Variants in ATAD3A observed in about 807,000 individuals in gnomAD.
The protein encoded by ATAD3A is ATPase family AAA domain containing 3A.
Under a neutral mutation model 73.8 loss-of-function variants are expected in ATAD3A, and 46 were observed. The observed-to-expected ratio is 0.62, with a 90% CI of 0.49 to 0.80. The LOEUF is 0.80. ATAD3A is among the 30% of genes least tolerant of loss of function. The pLI, the probability that ATAD3A is intolerant of heterozygous loss-of-function variation, is 0.00. For missense variants in ATAD3A, 705 were observed against 838.0 expected (o/e 0.84, Z 1.96); for synonymous variants, 319 against 350.0 (o/e 0.91, Z 0.99).
chr1:1,519,858 C>T (rs532114118), intron 5 of ATAD3A, among the ~76,000 whole-genome samples: 9 of 152,346 alleles, frequency 5.9e-5, no homozygotes, highest in South Asian at 2.1e-4. Flanking sequence ...CGGCCTGTGG[C>T]GCTGTCCCTA....
At chr1:1,518,532 A>G (rs1235681975) in intron 4 of ATAD3A, among the ~76,000 whole-genome samples, 1 of 85,218 alleles carries the variant, frequency 1.2e-5, no homozygotes, top group East Asian at 4.4e-4. Flanking sequence ...CACAGACCCC[A>G]CACACACATA....
chr1:1,524,601 G>A (rs1202396443), intron 11 of ATAD3A, among the ~76,000 whole-genome samples: 1 of 130,100 alleles, frequency 7.7e-6, no homozygotes, highest in African/African-American at 3.9e-5. Flanking sequence ...CCAGCGTGTG[G>A]AGGCTGCCAG....
At chr1:1,521,890 G>A (rs1377978535) in intron 7 of ATAD3A, among the ~76,000 whole-genome samples, 1 of 151,902 alleles carries the variant, frequency 6.6e-6, no homozygotes, top group African/African-American at 2.4e-5. Flanking sequence ...CACCAGGCCC[G>A]GCCAATTTTT....
chr1:1,534,289 C>G lies in ATAD3A; in HGVS notation c.*217C>G. The stretch of plus-strand genomic sequence containing the variant: ...GGCTAGGGAGGGGCAGGCCTCCTTC[C>G]TGCCCCTCGAGACACTCTTGGGAGA... On this transcript the variant is annotated 3_prime_UTR_variant, in exon 16 of 16. Coordinates refer to ENST00000378756, the MANE Select transcript of ATAD3A (RefSeq NM_001170535.3). The G allele has an allele frequency of 2.1e-6, 3 of 1,446,026 alleles. No homozygotes were observed. Among genetic ancestry groups the G allele is most frequent in the Middle Eastern group, 2.6e-4 (1 of 3,854 alleles). 89.6% of individuals were successfully genotyped at this position (1,446,026 alleles called of 1,614,324 possible).
chr1:1,518,099 ACACACAGACACCCC>A (rs1462612424), intron 4 of ATAD3A, among the ~76,000 whole-genome samples: 2 of 150,578 alleles, frequency 1.3e-5, no homozygotes, highest in East Asian at 2.0e-4. Flanking sequence ...ACACGGGCCC[ACACACAGACACCCC>A]CACACAGAGG....
intron 14 of ATAD3A, 40 bp downstream of exon 14, chr1:1,527,902 C>G: frequency 6.3e-7 from 1 of 1,590,692 alleles, no homozygotes; most frequent in Non-Finnish European, 8.6e-7. Flanking sequence ...CAGGGGCCCT[C>G]GCTCAGGGTC....
chr1:1,516,177 C>T (rs938453349), intron 2 of ATAD3A, 89 bp downstream of exon 2: 26 of 1,584,796 alleles, frequency 1.6e-5, no homozygotes, highest in Admixed American at 5.3e-5. Flanking sequence ...TGGGTAGGGC[C>T]GGGGGTGTGT....
chr1:1,532,261 T>C (rs1360963148), intron 15 of ATAD3A, among the ~76,000 whole-genome samples: 2 of 152,146 alleles, frequency 1.3e-5, no homozygotes, highest in Non-Finnish European at 2.9e-5. Flanking sequence ...TTTCTTGTGG[T>C]GTCTTTGTCT....
At chr1:1,527,317 G>T in intron 13 of ATAD3A, 1 of 1,130,712 alleles carries the variant, frequency 8.8e-7, no homozygotes, top group Non-Finnish European at 1.1e-6. Context: ...GCCCTGCTGA[G>T]CCTCCAGTGA....
In ATAD3A at chr1:1,533,915, C is replaced by T. The variant is rs1248693291; in HGVS notation, c.1615-11C>T. ...ATGGCGGCCTCCCTCAGCTGCCTCT[C>T]TCCCCACTAGGCCACGGCGTATGCC... On this transcript the variant is annotated splice_polypyrimidine_tract_variant and intron_variant, in intron 15 of 15. Coordinates refer to ENST00000378756, the MANE Select transcript of ATAD3A (RefSeq NM_001170535.3). 1.2e-6 allele frequency: 2 copies of T among 1,611,472 alleles called. No homozygotes were observed. Among genetic ancestry groups the T allele is most frequent in the African/African-American group, 1.3e-5 (1 of 74,586 alleles).
Position 1,523,002 on chromosome 1 carries a change from C to A in ATAD3A, c.906+103C>A. 6.6e-7 allele frequency: 1 copy of A among 1,515,764 alleles called. No homozygotes were observed. Among genetic ancestry groups the A allele is most frequent in the Non-Finnish European group, 8.9e-7 (1 of 1,129,280 alleles). 93.9% of individuals were successfully genotyped at this position (1,515,764 alleles called of 1,614,324 possible). On this transcript the variant is annotated intron_variant, in intron 8 of 15. Transcript: ENST00000378756. The surrounding 1 kb of genome is among the most constrained non-coding windows in gnomAD (Gnocchi z 5.1). ...CACCCTCCCGTCCCTTCCCTTTCCC[C>A]GGATAACGGGCACCCGCACACTGCT...
chr1:1,532,950 C>T (rs1642083344), intron 15 of ATAD3A, among the ~76,000 whole-genome samples: 3 of 152,102 alleles, frequency 2.0e-5, no homozygotes, highest in African/African-American at 7.2e-5. Flanking sequence ...GGGCCCCCGA[C>T]CCACAGTGGT....
Position 1,516,180 on chromosome 1 carries a change from G to T in ATAD3A, c.282+92G>T, listed in dbSNP as rs556826014. Reference sequence around the variant, plus strand: ...GGCTACTGCCGGTGGGTAGGGCCGGGGGTGTGTACATGGGCAGCAGTGGGG... The same window carrying T: ...GGCTACTGCCGGTGGGTAGGGCCGGTGGTGTGTACATGGGCAGCAGTGGGG... On this transcript the variant is annotated intron_variant, in intron 2 of 15. Transcript: ENST00000378756. The T allele has an allele frequency of 4.5e-4, 718 of 1,581,942 alleles. 10 individuals are homozygous for T. The South Asian group carries it at 7.5e-3, about 17-fold the overall frequency.
Position 1,523,444 on chromosome 1 carries a change from G to A in ATAD3A, c.907-67G>A. 8 of 1,577,128 alleles carry A rather than the reference G, an allele frequency of 5.1e-6. No individual in the cohort carries two copies. Among genetic ancestry groups the A allele is most frequent in the Non-Finnish European group, 6.9e-6 (8 of 1,160,766 alleles). On this transcript the variant is annotated intron_variant, in intron 8 of 15. Coordinates refer to ENST00000378756, the MANE Select transcript of ATAD3A (RefSeq NM_001170535.3). The surrounding 1 kb of genome is among the most constrained non-coding windows in gnomAD (Gnocchi z 5.1). ...TCTGCGTGTTACCGAGCGTGTGTGT[G>A]CGCGTTGGTGGCTGTTCCGTGGCTG...
chr1:1,515,895 G>A (rs560019276), intron 1 of ATAD3A, 117 bp from the exon 2 acceptor site: 2 of 1,119,180 alleles, frequency 1.8e-6, no homozygotes, highest in Non-Finnish European at 1.3e-6. Context: ...GCAGGGCTGG[G>A]GGCTTTGAGG....
At chr1:1,517,975 A>C (rs1266497606) in intron 4 of ATAD3A, among the ~76,000 whole-genome samples, 200 bp downstream of exon 4, 2 of 151,904 alleles carry the variant, frequency 1.3e-5, no homozygotes, top group African/African-American at 4.8e-5. Flanking sequence ...ACACATGTAC[A>C]TGGAGACACA....
At chr1:1,518,132 C>CA (rs758289275) in intron 4 of ATAD3A, among the ~76,000 whole-genome samples, 3 of 150,422 alleles carry the variant, frequency 2.0e-5, no homozygotes, top group African/African-American at 7.4e-5. Context: ...GGCCTGCACT[C>CA]ACACACCCGC....
In ATAD3A at chr1:1,523,090, C is replaced by T. The variant is rs868681141; in HGVS notation, c.906+191C>T. Among the ~76,000 whole-genome samples, 1 of 151,966 alleles carries T rather than the reference C, an allele frequency of 6.6e-6. No individual in the cohort carries two copies. Among genetic ancestry groups the T allele is most frequent in the Non-Finnish European group, 1.5e-5 (1 of 68,012 alleles). ...GGGTCTGCATCAGTGAGACCCTTCC[C>T]CTGTCTGCCTCGGTGTCCCCTGCTC... On this transcript the variant is annotated intron_variant, in intron 8 of 15. Coordinates refer to ENST00000378756, the MANE Select transcript of ATAD3A (RefSeq NM_001170535.3). This position sits in a 1 kb window ranked among gnomAD's most constrained non-coding sequence, Gnocchi z 5.1.
intron 13 of ATAD3A, among the ~76,000 whole-genome samples, chr1:1,526,768 C>A (rs1641862149): frequency 1.3e-5 from 2 of 152,256 alleles, no homozygotes; most frequent in South Asian, 2.1e-4. Flanking sequence ...CCTCACGGCC[C>A]TGTGCGCCGC....
Sources: gnomAD v4.1 joint callset for allele counts (sites outside exome capture counted in the v4.1 genomes callset) on GRCh38, gnomAD v4.1.1 for gene constraint, Gnocchi (gnomAD v3.1) non-coding constraint, MANE v1.5 for transcripts, NCBI Gene and HGNC (gene_info 2026-07-23, HGNC 2026-07-21) for gene names.